SCP2: variants seen among roughly 807,000 people sequenced by gnomAD.
SCP2 encodes the protein sterol carrier protein 2.
A neutral mutation model predicts 71.4 loss-of-function variants in SCP2; 48 were observed. The ratio of observed to expected loss-of-function variants is 0.67; its 90% CI spans 0.53 to 0.86. The LOEUF (loss-of-function observed/expected upper bound fraction) is 0.86, where lower values mean the gene tolerates loss of function less well. Among genes scored for constraint, SCP2 ranks in the 40% least tolerant of loss-of-function variants. The pLI, the probability that SCP2 is intolerant of heterozygous loss-of-function variation, is 0.00. For missense variants in SCP2, 560 were observed against 655.6 expected (o/e 0.85, Z 1.59); for synonymous variants, 220 against 218.1 (o/e 1.01, Z -0.08).
At chr1:52,993,973 A>G (rs1659740828) in intron 11 of SCP2, 2 of 1,289,316 alleles carry the variant, frequency 1.6e-6, no homozygotes, top group East Asian at 3.7e-5. Context: ...ATACAAATAC[A>G]TCAAGTGTCT....
At chr1:52,973,247 T>G (rs1188586776) in intron 6 of SCP2, among the ~76,000 whole-genome samples, 2 of 152,198 alleles carry the variant, frequency 1.3e-5, no homozygotes, top group Non-Finnish European at 2.9e-5. Flanking sequence ...ATGGTCATAA[T>G]GCACATAGTG....
At chr1:52,976,471 A>G (rs989513080) in intron 7 of SCP2, among the ~76,000 whole-genome samples, 8 of 152,234 alleles carry the variant, frequency 5.3e-5, no homozygotes, top group Admixed American at 1.3e-4. Context: ...CCAGGAACCC[A>G]GGACAAAGAC....
At chr1:52,972,656 T>C (rs974854192) in intron 6 of SCP2, among the ~76,000 whole-genome samples, 1 of 152,226 alleles carries the variant, frequency 6.6e-6, no homozygotes, top group Non-Finnish European at 1.5e-5. Flanking sequence ...CAATTCCCTT[T>C]TTCATGTTGA....
At chr1:52,960,659 T>C (rs1656328578) in intron 5 of SCP2, among the ~76,000 whole-genome samples, 1 of 142,282 alleles carries the variant, frequency 7.0e-6, no homozygotes, top group South Asian at 2.1e-4. Context: ...TATATATGTG[T>C]ATATATATGT....
At chr1:53,037,338 G>A (rs964238760) in intron 13 of SCP2, among the ~76,000 whole-genome samples, 5 of 152,008 alleles carry the variant, frequency 3.3e-5, no homozygotes, top group African/African-American at 1.2e-4. Flanking sequence ...CTGCCAGCTG[G>A]CTTAGCTGCT....
At chr1:52,960,480 A>ACG (rs1656245333) in intron 5 of SCP2, among the ~76,000 whole-genome samples, 1 of 139,538 alleles carries the variant, frequency 7.2e-6, no homozygotes, top group African/African-American at 2.8e-5. Flanking sequence ...TACTATGTAT[A>ACG]TGTGTGTGTG....
chr1:53,047,269 A>G (rs6670842), intron 14 of SCP2, among the ~76,000 whole-genome samples: 48,249 of 152,210 alleles, frequency 0.32, 12,775 homozygotes, highest in African/African-American at 0.72. Flanking sequence ...CTAGCAAGGT[A>G]GAATCATTTA....
intron 5 of SCP2, among the ~76,000 whole-genome samples, chr1:52,957,029 C>A (rs1476325399): frequency 6.6e-6 from 1 of 151,724 alleles, no homozygotes; most frequent in Non-Finnish European, 1.5e-5. Flanking sequence ...CCTGCCTCAG[C>A]CTCCCGAGTA....
intron 6 of SCP2, among the ~76,000 whole-genome samples, chr1:52,972,560 C>A (rs546135099): frequency 3.9e-5 from 6 of 152,160 alleles, no homozygotes; most frequent in African/African-American, 1.2e-4. Context: ...CTAATAGAGA[C>A]AATAAAGCAT....
chr1:52,935,410 CA>C (rs945975624), intron 1 of SCP2, among the ~76,000 whole-genome samples: 2 of 151,270 alleles, frequency 1.3e-5, no homozygotes, highest in African/African-American at 4.9e-5. Flanking sequence ...GGCAAAACCG[CA>C]AAACCCCGTT....
rs1209991711 is a variant in SCP2, at chr1:53,050,925, C to G, written c.*221C>G. ...CGGAATTGCATACAACTGTGCATTA[C>G]AAAGTTAATATGGTAATTATGGTCT... On this transcript the variant is annotated 3_prime_UTR_variant, in exon 16 of 16. Transcript: ENST00000371514. The G allele has an allele frequency of 2.4e-6, 1 of 422,698 alleles. No homozygotes were observed. The highest frequency in any genetic ancestry group is 2.0e-5 in the African/African-American group (1 of 49,446). 26.2% of individuals were successfully genotyped at this position (422,698 alleles called of 1,614,324 possible). A position where few individuals can be genotyped will look rare whatever the true frequency, so the allele number is the denominator to read the frequency against.
At chr1:53,041,857 G>A (rs370467306) in intron 14 of SCP2, among the ~76,000 whole-genome samples, 1 of 152,180 alleles carries the variant, frequency 6.6e-6, no homozygotes, top group Non-Finnish European at 1.5e-5. Flanking sequence ...TAGTAAGAAG[G>A]GGTGGATGGA....
At chr1:53,042,374 G>A (rs1663500787) in intron 14 of SCP2, among the ~76,000 whole-genome samples, 1 of 148,152 alleles carries the variant, frequency 6.7e-6, no homozygotes, top group African/African-American at 2.5e-5. Context: ...CTCCTATTTT[G>A]TTGTTGGTTG....
chr1:53,029,066 G>C (rs72903149), intron 13 of SCP2, among the ~76,000 whole-genome samples: 15,163 of 152,058 alleles, frequency 0.1, 1,476 homozygotes, highest in African/African-American at 0.22. Flanking sequence ...GTGAGCCACC[G>C]TGCCCACCAC....
intron 1 of SCP2, among the ~76,000 whole-genome samples, chr1:52,928,081 G>A (rs1409673455): frequency 1.3e-5 from 2 of 152,178 alleles, no homozygotes; most frequent in African/African-American, 2.4e-5. Context: ...TGTTTGTACC[G>A]TGTATCTTCA....
chr1:52,944,119 T>G (rs1654546060), intron 2 of SCP2, among the ~76,000 whole-genome samples: 1 of 152,194 alleles, frequency 6.6e-6, no homozygotes, highest in Non-Finnish European at 1.5e-5. Flanking sequence ...TGTCAACACC[T>G]GGAGACCTTC....
intron 1 of SCP2, among the ~76,000 whole-genome samples, chr1:52,933,055 T>C (rs12046611): frequency 0.037 from 5,561 of 152,292 alleles, 388 homozygotes; most frequent in East Asian, 0.34. Flanking sequence ...ATCCATACCA[T>C]TGTGATCTTA....
intron 12 of SCP2, among the ~76,000 whole-genome samples, chr1:53,018,151 G>T (rs751872862): frequency 1.3e-5 from 2 of 152,064 alleles, no homozygotes; most frequent in Non-Finnish European, 2.9e-5. Context: ...CATTGCGCCT[G>T]GCCTGAATTT....
intron 1 of SCP2, among the ~76,000 whole-genome samples, chr1:52,941,478 T>C (rs934545750): frequency 1.3e-5 from 2 of 152,182 alleles, no homozygotes; most frequent in South Asian, 2.1e-4. Context: ...GGCTCACACC[T>C]GTAATCCCAG....
Sources: allele counts gnomAD v4.1 joint callset (sites outside exome capture counted in the v4.1 genomes callset), GRCh38; gene constraint gnomAD v4.1.1; transcripts MANE v1.5; gene names NCBI Gene and HGNC (gene_info 2026-07-23, HGNC 2026-07-21).